DCDC1: variants seen among roughly 807,000 people sequenced by gnomAD.
DCDC1 encodes the protein doublecortin domain-containing protein 1.
A neutral mutation model predicts 178.3 loss-of-function variants in DCDC1; 200 were observed. The ratio of observed to expected loss-of-function variants is 1.12; its 90% CI spans 1.00 to 1.26. DCDC1 has a LOEUF of 1.26. Ranked by LOEUF, DCDC1 falls within the 50% of genes most tolerant of loss-of-function variation. The pLI, the probability that DCDC1 is intolerant of heterozygous loss-of-function variation, is 0.00. For missense variants in DCDC1, 1,983 were observed against 1,749.2 expected (o/e 1.13, Z -2.38); for synonymous variants, 690 against 604.8 (o/e 1.14, Z -2.07).
At chr11:30,876,975 T>C (rs1448891750) in intron 38 of DCDC1, among the ~76,000 whole-genome samples, 1 of 152,142 alleles carries the variant, frequency 6.6e-6, no homozygotes. Context: ...ATGCAATCTT[T>C]TTCTCCTATA....
chr11:31,259,794 G>A (rs948889241), intron 8 of DCDC1, among the ~76,000 whole-genome samples: 11 of 152,164 alleles, frequency 7.2e-5, no homozygotes, highest in East Asian at 1.9e-4. Context: ...AGCTTGGGCC[G>A]TCTGGCATCT....
intron 20 of DCDC1, among the ~76,000 whole-genome samples, chr11:31,016,632 G>T (rs568052521): frequency 6.6e-6 from 1 of 152,244 alleles, no homozygotes; most frequent in African/African-American, 2.4e-5. Flanking sequence ...AATGCATTCC[G>T]TGGACAAAGC....
At chr11:30,994,976 G>A (rs1250059308) in intron 20 of DCDC1, among the ~76,000 whole-genome samples, 1 of 150,988 alleles carries the variant, frequency 6.6e-6, no homozygotes, top group Non-Finnish European at 1.5e-5. Context: ...AGGCTGGGAA[G>A]AAAGAAATAT....
At chr11:31,163,648 G>T (rs2136179422) in intron 9 of DCDC1, among the ~76,000 whole-genome samples, 1 of 152,148 alleles carries the variant, frequency 6.6e-6, no homozygotes, top group African/African-American at 2.4e-5. Context: ...AAACCCCTCA[G>T]AAATCAAAGC....
At chr11:30,882,039 A>G (rs1942728369) in intron 36 of DCDC1, 1 of 153,680 alleles carries the variant, frequency 6.5e-6, no homozygotes, top group African/African-American at 2.4e-5. Flanking sequence ...AGGTTTCTAC[A>G]TACCTGCCTG....
Position 31,307,764 on chromosome 11 carries a change from T to A in DCDC1, c.309A>T (p.Ala103=), listed in dbSNP as rs772401058. 2.5e-6 allele frequency: 4 copies of A among 1,614,166 alleles called. No individual in the cohort carries two copies. Residue 103 remains alanine, a synonymous_variant, in exon 4 of 39, where the codon GCA becomes GCT. Coordinates refer to ENST00000684477, the MANE Select transcript of DCDC1 (RefSeq NM_001387274.1). ...GLQDCSTHQT[A]SDHSHDEISD... is the part of the protein sequence containing the mutation. ...ATATTTCATCATGGCTGTGATCTGA[T>A]GCTGTTTGATGTGTGGAGCAATCTT...
At chr11:31,340,846 C>T (rs1251338422) in intron 1 of DCDC1, among the ~76,000 whole-genome samples, 1 of 151,586 alleles carries the variant, frequency 6.6e-6, no homozygotes, top group African/African-American at 2.4e-5. Context: ...ATTAATCTTC[C>T]TCTCTCTCTC....
intron 20 of DCDC1, among the ~76,000 whole-genome samples, chr11:31,063,873 A>T (rs762200072): frequency 2.0e-5 from 3 of 152,164 alleles, no homozygotes; most frequent in Non-Finnish European, 2.9e-5. Flanking sequence ...TCAGTTTATG[A>T]TTTACAACAT....
intron 9 of DCDC1, among the ~76,000 whole-genome samples, chr11:31,202,790 G>C (rs546359647): frequency 1.4e-4 from 21 of 152,252 alleles, no homozygotes; most frequent in Non-Finnish European, 3.1e-4. Flanking sequence ...TGGGTCCTCT[G>C]CTCCATATAC....
intron 20 of DCDC1, among the ~76,000 whole-genome samples, chr11:31,005,299 A>G (rs538931420): frequency 5.9e-5 from 9 of 152,278 alleles, no homozygotes; most frequent in African/African-American, 2.2e-4. Context: ...CTTTTGGACA[A>G]CATGGTTAGC....
chr11:31,299,835 T>C (rs915050404), intron 6 of DCDC1, among the ~76,000 whole-genome samples: 1 of 152,100 alleles, frequency 6.6e-6, no homozygotes, highest in African/African-American at 2.4e-5. Flanking sequence ...CCATAATACA[T>C]CTGTGGGATG....
At position 31,208,167 on chromosome 11, in the gene DCDC1, T is replaced by G. The variant is rs181466665; in HGVS notation, c.1221+33283A>C. On this transcript the variant is annotated intron_variant, in intron 9 of 38. Transcript: ENST00000684477. ...TAGTTATATATTAAACTTGTATCTC[T>G]TACCCAGATCTCATTTCTGTCTGTT... Among the ~76,000 whole-genome samples the G allele has an allele frequency of 3.6e-4, 55 of 152,328 alleles. No homozygotes were observed. The East Asian group carries it at 0.01, about 28-fold the overall frequency.
intron 21 of DCDC1, among the ~76,000 whole-genome samples, chr11:30,932,444 TTTAA>T (rs1946992130): frequency 6.6e-6 from 1 of 152,214 alleles, no homozygotes; most frequent in Admixed American, 6.6e-5. Context: ...TCAGTTACTT[TTTAA>T]TTCAGTTTGT....
chr11:31,340,235 A>T (rs2133205300), intron 1 of DCDC1, among the ~76,000 whole-genome samples: 1 of 151,030 alleles, frequency 6.6e-6, no homozygotes, highest in Admixed American at 6.6e-5. Flanking sequence ...ATAAAAAAAA[A>T]TTAGCAAGAA....
intron 11 of DCDC1, among the ~76,000 whole-genome samples, chr11:31,111,036 A>G (rs2135802605): frequency 6.6e-6 from 1 of 152,318 alleles, no homozygotes; most frequent in East Asian, 1.9e-4. Flanking sequence ...ACCAGTCCCG[A>G]CAGGATGGCT....
chr11:30,977,295 A>G (rs939047637), intron 20 of DCDC1, among the ~76,000 whole-genome samples: 7 of 152,200 alleles, frequency 4.6e-5, no homozygotes, highest in Non-Finnish European at 8.8e-5. Flanking sequence ...GTTAGCAACA[A>G]TGTATTGTGC....
chr11:30,897,689 T>C (rs1391646941), intron 34 of DCDC1, among the ~76,000 whole-genome samples: 1 of 151,918 alleles, frequency 6.6e-6, no homozygotes, highest in Non-Finnish European at 1.5e-5. Flanking sequence ...CTATTTTCAG[T>C]ATTTAACTTG....
intron 7 of DCDC1, among the ~76,000 whole-genome samples, chr11:31,285,178 G>C (rs1946730607): frequency 6.6e-6 from 1 of 151,516 alleles, no homozygotes; most frequent in Non-Finnish European, 1.5e-5. Context: ...ATAATGAAAA[G>C]GCAACTGGCT....
At chr11:31,019,969 A>T (rs1952759326) in intron 20 of DCDC1, among the ~76,000 whole-genome samples, 1 of 152,066 alleles carries the variant, frequency 6.6e-6, no homozygotes, top group African/African-American at 2.4e-5. Flanking sequence ...GTGCTGTATA[A>T]CGCACCTCAT....
Sources: allele counts gnomAD v4.1 joint callset (sites outside exome capture counted in the v4.1 genomes callset), GRCh38; gene constraint gnomAD v4.1.1; transcripts MANE v1.5; gene names NCBI Gene and HGNC (gene_info 2026-07-23, HGNC 2026-07-21).